The following DDX23 variants were observed in gnomAD, a reference collection of about 807,000 sequenced individuals.
DDX23 encodes probable ATP-dependent RNA helicase DDX23.
A neutral mutation model predicts 102.7 loss-of-function variants in DDX23; 33 were observed. The observed-to-expected ratio is 0.32, with a 90% CI of 0.24 to 0.43. The LOEUF (loss-of-function observed/expected upper bound fraction) is 0.43. DDX23 is among the 20% of genes least tolerant of loss of function. The pLI, the probability that DDX23 is intolerant of heterozygous loss-of-function variation, is 1.00. For synonymous variants in DDX23, 352 were observed against 376.0 expected (o/e 0.94, Z 0.74); for missense variants, 549 against 1,086.6 (o/e 0.51, Z 6.96).
intron 15 of DDX23, 98 bp from the exon 16 acceptor site, chr12:48,831,414 GA>G: frequency 8.8e-7 from 1 of 1,140,740 alleles, no homozygotes; most frequent in Non-Finnish European, 1.3e-6. Flanking sequence ...GGGTTGGAGA[GA>G]GCAGCAGAGT....
chr12:48,837,452 G>C, intron 7 of DDX23, 59 bp from the exon 8 acceptor site: 1 of 1,612,816 alleles, frequency 6.2e-7, no homozygotes, highest in Non-Finnish European at 8.5e-7. Context: ...CACATGCAGA[G>C]ATCACAATGG....
chr12:48,848,730 G>A (rs571203225), intron 1 of DDX23, among the ~76,000 whole-genome samples: 3 of 150,116 alleles, frequency 2.0e-5, no homozygotes, highest in East Asian at 2.0e-4. Context: ...GACTATAGGC[G>A]CATGCCACCA....
chr12:48,845,863 C>T (rs1938658851), intron 1 of DDX23, 81 bp from the exon 2 acceptor site: 1 of 1,424,336 alleles, frequency 7.0e-7, no homozygotes, highest in Non-Finnish European at 9.6e-7. Context: ...ACCCTCAAAA[C>T]AACCCTATGA....
At chr12:48,851,467 C>T (rs1938756983) in intron 1 of DDX23, among the ~76,000 whole-genome samples, 1 of 149,164 alleles carries the variant, frequency 6.7e-6, no homozygotes, top group South Asian at 2.1e-4. Context: ...AGCGAGACTC[C>T]GTCTCAAAAA....
intron 1 of DDX23, among the ~76,000 whole-genome samples, chr12:48,849,664 A>AG (rs1046495133): frequency 3.5e-5 from 5 of 144,910 alleles, no homozygotes; most frequent in African/African-American, 4.9e-5. Context: ...CTGTCTCGAG[A>AG]GAAAAAAAAA....
rs370732721 is a variant in DDX23 at position 48,837,663 on chromosome 12, G to A, written c.620-6C>T. The A allele has an allele frequency of 1.1e-5, 17 of 1,613,998 alleles. No individual in the cohort carries two copies. The highest frequency in any genetic ancestry group is 1.4e-5 in the Non-Finnish European group (17 of 1,180,002). On this transcript the variant is annotated splice_region_variant and splice_polypyrimidine_tract_variant and intron_variant, in intron 6 of 16. Coordinates refer to ENST00000308025, the MANE Select transcript of DDX23 (RefSeq NM_004818.3). ...TTCCCGTTCCTGAGGATCTTCTGCA[G>A]ACCAAAGAAAGCAAAGCTGCAGAAG...
intron 12 of DDX23, 122 bp from the exon 13 acceptor site, chr12:48,833,641 G>T: frequency 7.8e-7 from 1 of 1,281,178 alleles, no homozygotes; most frequent in Non-Finnish European, 1.1e-6. Context: ...CCAACCTCTG[G>T]TTATGTTTAG....
At chr12:48,837,430 A>C in intron 7 of DDX23, 37 bp from the exon 8 acceptor site, 1 of 1,612,578 alleles carries the variant, frequency 6.2e-7, no homozygotes, top group Non-Finnish European at 8.5e-7. Context: ...ATGAGCTTTG[A>C]GGCCCAATTC....
rs756253666 is a variant in DDX23, at chr12:48,832,492, T to C, written c.1885A>G (p.Ile629Val). 4 of 1,614,144 alleles carry C rather than the reference T, an allele frequency of 2.5e-6. No individual in the cohort carries two copies. Among genetic ancestry groups the C allele is most frequent in the African/African-American group, 1.3e-5 (1 of 75,038 alleles). Residue 629 changes from isoleucine to valine, a missense_variant, in exon 14 of 17, where the codon ATT (isoleucine) becomes GTT (valine). By Grantham distance (29) the Ile-to-Val change is conservative (BLOSUM62 3). This residue lies in a region of DDX23 where 270 missense variants were observed against 707.0 expected (regional missense o/e 0.38). Transcript: ENST00000308025. This position sits in a 1 kb window ranked among gnomAD's most constrained non-coding sequence, Gnocchi z 4.4. ...TCATGGGGCTTGCCTGCGGAGCCAA[T>C]GTACACCACAGCAGGTCGCCGAAGA... ...SYLRRPAVVY[I>V]GSAGKPHERV...
chr12:48,830,622 T>C lies in DDX23; in HGVS notation c.2310A>G (p.Lys770=). The C allele has an allele frequency of 1.9e-6, 3 of 1,614,100 alleles. No homozygotes were observed. Among genetic ancestry groups the C allele is most frequent in the Non-Finnish European group, 2.5e-6 (3 of 1,180,002 alleles). ...KSGVAITFLT[K]EDSAVFYELK... ...GCTCGTAGAACACAGCAGAGTCCTC[T>C]TTTGTGAGGAAGGTGATGGCCACCC... The change falls in exon 17 of 17, where the codon AAA becomes AAG. Residue 770 remains lysine, a synonymous_variant. Coordinates refer to ENST00000308025, the MANE Select transcript of DDX23 (RefSeq NM_004818.3). This position sits in a 1 kb window ranked among gnomAD's most constrained non-coding sequence, Gnocchi z 4.9.
At chr12:48,837,877 G>T in intron 6 of DDX23, 65 bp downstream of exon 6, 1 of 1,605,808 alleles carries the variant, frequency 6.2e-7, no homozygotes, top group South Asian at 1.1e-5. Context: ...TCTCCTAAGA[G>T]ACACTGTATC....
At chr12:48,841,881 AT>A (rs1938557780) in intron 3 of DDX23, among the ~76,000 whole-genome samples, 1 of 151,832 alleles carries the variant, frequency 6.6e-6, no homozygotes, top group African/African-American at 2.4e-5. Context: ...CCCGGCCGCC[AT>A]CCCATCTAGG....
chr12:48,830,566 GAC>G lies in DDX23; in HGVS notation c.2364_2365del (p.Ser789PhefsTer15). On this transcript the variant is annotated frameshift_variant, in exon 17 of 17. Coordinates refer to ENST00000308025, the MANE Select transcript of DDX23 (RefSeq NM_004818.3). This position sits in a 1 kb window ranked among gnomAD's most constrained non-coding sequence, Gnocchi z 4.9. ...GTTGGCTAGTTCGGGGGGACAGGAA[GAC>G]ACTGGGCTTTCCAGGATAGCTTGCT... 1 of 1,613,964 alleles carries G rather than the reference GAC, an allele frequency of 6.2e-7. No homozygotes were observed.
In DDX23 at chr12:48,832,200, G is replaced by C. The variant is rs1362262386; in HGVS notation, c.1956-14C>G. 6.2e-7 allele frequency: 1 copy of C among 1,613,672 alleles called. No homozygotes were observed. Among genetic ancestry groups the C allele is most frequent in the South Asian group, 1.1e-5 (1 of 91,068 alleles). On this transcript the variant is annotated splice_polypyrimidine_tract_variant and intron_variant, in intron 14 of 16. Transcript: ENST00000308025. The surrounding 1 kb of genome is among the most constrained non-coding windows in gnomAD (Gnocchi z 4.4). ...AGCAGCTTTTTCCTGGAAGGAAGAG[G>C]AGAAAAACAAGATGCATAATACCTC...
In DDX23 at chr12:48,829,907, A is replaced by C; in HGVS notation, c.*562T>G. 8.0e-6 allele frequency: 2 copies of C among 250,366 alleles called. No individual in the cohort carries two copies. The highest frequency in any genetic ancestry group is 1.6e-5 in the Non-Finnish European group (2 of 126,566). 15.5% of individuals were successfully genotyped at this position (250,366 alleles called of 1,614,324 possible). On this transcript the variant is annotated 3_prime_UTR_variant, in exon 17 of 17. Coordinates refer to ENST00000308025, the MANE Select transcript of DDX23 (RefSeq NM_004818.3). ...CTTAGAAAATCCCCTGGGGGAGGGG[A>C]TGCCTAGAGCATACAGCACCCCTTG...
chr12:48,831,622 G>C (rs1938388202), intron 15 of DDX23, among the ~76,000 whole-genome samples: 1 of 152,186 alleles, frequency 6.6e-6, no homozygotes, highest in South Asian at 2.1e-4. Flanking sequence ...GATCAGGGTA[G>C]AAAGCAGGGA....
intron 6 of DDX23, 33 bp from the exon 7 acceptor site, chr12:48,837,690 G>A (rs764295918): frequency 5.1e-5 from 82 of 1,611,704 alleles, no homozygotes; most frequent in Non-Finnish European, 6.6e-5. Context: ...CTGCAGAAGA[G>A]CTCATGGAAG....
At chr12:48,843,847 G>T in intron 3 of DDX23, 93 bp downstream of exon 3, 2 of 1,420,174 alleles carry the variant, frequency 1.4e-6, no homozygotes, top group South Asian at 2.3e-5. Flanking sequence ...CACGCCTGGC[G>T]AGAAATCTAC....
At chr12:48,835,795 G>A (rs553361544) in intron 11 of DDX23, among the ~76,000 whole-genome samples, 29 of 152,328 alleles carry the variant, frequency 1.9e-4, no homozygotes, top group African/African-American at 6.7e-4. Context: ...GGAGGATGAA[G>A]CAGGAGAATC....
Sources: allele counts gnomAD v4.1 joint callset (sites outside exome capture counted in the v4.1 genomes callset), GRCh38; gene constraint gnomAD v4.1.1; regional missense constraint gnomAD v4.1.1; non-coding constraint Gnocchi (gnomAD v3.1); transcripts MANE v1.5; gene names NCBI Gene and HGNC (gene_info 2026-07-23, HGNC 2026-07-21).